Variants in SEPTIN9 observed in about 807,000 individuals in gnomAD.
The protein encoded by SEPTIN9 is septin 9, also known as septin-9.
Under a neutral mutation model 56.6 loss-of-function variants are expected in SEPTIN9, and 13 were observed. The ratio of observed to expected loss-of-function variants is 0.23; its 90% CI spans 0.15 to 0.37. The LOEUF (loss-of-function observed/expected upper bound fraction) is 0.37, where lower values mean the gene tolerates loss of function less well. Among genes scored for constraint, SEPTIN9 ranks in the 10% least tolerant of loss-of-function variants. SEPTIN9 has a pLI of 1.00. For synonymous variants in SEPTIN9, 332 were observed against 334.1 expected (o/e 0.99, Z 0.07); for missense variants, 650 against 823.1 (o/e 0.79, Z 2.57).
intron 10 of SEPTIN9, among the ~76,000 whole-genome samples, chr17:77,493,669 A>C (rs970198049): frequency 6.6e-6 from 1 of 151,350 alleles, no homozygotes; most frequent in Admixed American, 6.6e-5. Context: ...GGCGCCTGGC[A>C]TTCCTAGTTG....
chr17:77,482,728 G>GCA (rs2039510728), intron 4 of SEPTIN9: 1 of 545,336 alleles, frequency 1.8e-6, no homozygotes, highest in Non-Finnish European at 3.1e-6. Flanking sequence ...ACCGCACCCC[G>GCA]GCCAGAGGCT....
chr17:77,312,310 C>A (rs1450170524), intron 2 of SEPTIN9, among the ~76,000 whole-genome samples: 1 of 152,174 alleles, frequency 6.6e-6, no homozygotes, highest in African/African-American at 2.4e-5. Flanking sequence ...ACTCATAGAG[C>A]CCTTAGTTTC....
At chr17:77,289,698 G>C (rs749181665) in intron 1 of SEPTIN9, among the ~76,000 whole-genome samples, 19 of 152,030 alleles carry the variant, frequency 1.2e-4, no homozygotes, top group Admixed American at 2.6e-4. Context: ...GTGAGCCACC[G>C]CACCCGGCCT....
At chr17:77,294,552 C>T (rs769493817) in intron 1 of SEPTIN9, 4 of 169,342 alleles carry the variant, frequency 2.4e-5, no homozygotes, top group Non-Finnish European at 5.1e-5. Flanking sequence ...TTGTTTTGTT[C>T]AAGATACACA....
At position 77,369,053 on chromosome 17, in the gene SEPTIN9, G is replaced by C. The variant is rs541527959; in HGVS notation, c.77-33006G>C. ...GTTCAAAACCAGCCTGGCCAGCAGG[G>C]TGAATCCTCATCTCTAGTAAAAATA... is the stretch of plus-strand genomic sequence containing the variant. On this transcript the variant is annotated intron_variant, in intron 2 of 11. Coordinates refer to ENST00000427177, the MANE Select transcript of SEPTIN9 (RefSeq NM_001113491.2). The surrounding 1 kb of genome is among the most constrained non-coding windows in gnomAD (Gnocchi z 4.9). Among the ~76,000 whole-genome samples the C allele has an allele frequency of 1.3e-5, 2 of 152,264 alleles. No individual in the cohort carries two copies. Among genetic ancestry groups the C allele is most frequent in the African/African-American group, 4.8e-5 (2 of 41,552 alleles).
At chr17:77,288,893 A>G (rs544940013) in intron 1 of SEPTIN9, among the ~76,000 whole-genome samples, 1 of 152,258 alleles carries the variant, frequency 6.6e-6, no homozygotes, top group Admixed American at 6.5e-5. Context: ...AGAGGCCGGC[A>G]CCGAGGGGCG....
At position 77,492,412 on chromosome 17, in the gene SEPTIN9, G is replaced by A. The variant is rs114859512; in HGVS notation, c.1381-209G>A. 5.6e-3 allele frequency among the ~76,000 whole-genome samples: 859 copies of A among 152,226 alleles called. 7 individuals are homozygous for A. Among genetic ancestry groups the A allele is most frequent in the African/African-American group, 0.019 (787 of 41,526 alleles). ...CCTTAAGCCCCTGGGGAGTTGCAGC[G>A]TCGCTCAGGACAGCAGGTGCACCTG... is the stretch of plus-strand genomic sequence containing the variant. On this transcript the variant is annotated intron_variant, in intron 8 of 11. Transcript: ENST00000427177. The surrounding 1 kb of genome is among the most constrained non-coding windows in gnomAD (Gnocchi z 5.4).
intron 3 of SEPTIN9, among the ~76,000 whole-genome samples, chr17:77,479,215 C>A (rs1429616782): frequency 6.6e-6 from 1 of 152,262 alleles, no homozygotes; most frequent in Non-Finnish European, 1.5e-5. Flanking sequence ...CTGAGCAGCG[C>A]AGGCCTCGGA....
intron 3 of SEPTIN9, among the ~76,000 whole-genome samples, chr17:77,416,201 G>T (rs1043690191): frequency 2.0e-5 from 3 of 152,206 alleles, no homozygotes; most frequent in African/African-American, 7.2e-5. Context: ...CCTGGACGAA[G>T]GCCTCACCCT....
intron 3 of SEPTIN9, among the ~76,000 whole-genome samples, chr17:77,407,886 A>G (rs952424856): frequency 1.3e-5 from 2 of 152,028 alleles, no homozygotes; most frequent in Non-Finnish European, 2.9e-5. Flanking sequence ...GCCCCCCAAC[A>G]TGGGTGCCTC....
At chr17:77,283,946 C>T (rs1171547363) in intron 1 of SEPTIN9, among the ~76,000 whole-genome samples, 3 of 152,214 alleles carry the variant, frequency 2.0e-5, no homozygotes, top group Admixed American at 6.5e-5. Flanking sequence ...TAACACCCTT[C>T]CCTCCTGAGC....
chr17:77,416,451 G>T (rs1483713250), intron 3 of SEPTIN9, among the ~76,000 whole-genome samples: 1 of 152,192 alleles, frequency 6.6e-6, no homozygotes, highest in Non-Finnish European at 1.5e-5. Context: ...AACGGGGCCG[G>T]GGAGCTCTTG....
intron 7 of SEPTIN9, 114 bp downstream of exon 7, chr17:77,488,978 A>C (rs2039915806): frequency 8.0e-6 from 11 of 1,376,528 alleles, no homozygotes; most frequent in Non-Finnish European, 1.1e-5. Context: ...GGGCTGAGTC[A>C]GGGGCCATGG....
chr17:77,383,984 T>G (rs528274550), intron 2 of SEPTIN9, among the ~76,000 whole-genome samples: 2 of 152,330 alleles, frequency 1.3e-5, no homozygotes, highest in South Asian at 4.1e-4. Flanking sequence ...TGAGCCCTTC[T>G]TAGGCTTCTA....
intron 1 of SEPTIN9, among the ~76,000 whole-genome samples, chr17:77,283,084 C>T (rs1050017777): frequency 2.6e-5 from 4 of 151,656 alleles, no homozygotes; most frequent in Non-Finnish European, 5.9e-5. Context: ...CTGCGGCTTA[C>T]TGGGAGGTGG....
chr17:77,474,295 CTG>C (rs1400389995), intron 3 of SEPTIN9, among the ~76,000 whole-genome samples: 1 of 152,244 alleles, frequency 6.6e-6, no homozygotes, highest in East Asian at 1.9e-4. Context: ...AAGTAAGCAT[CTG>C]TGTCCTGGGA....
At chr17:77,373,340 C>A (rs888614627) in intron 2 of SEPTIN9, 31 of 1,179,642 alleles carry the variant, frequency 2.6e-5, no homozygotes, top group Non-Finnish European at 2.9e-5. Context: ...CTCCCCCATT[C>A]ATTCAGCTGA....
intron 2 of SEPTIN9, among the ~76,000 whole-genome samples, chr17:77,391,985 C>T (rs904789285): frequency 3.3e-5 from 5 of 152,230 alleles, no homozygotes; most frequent in African/African-American, 7.2e-5. Flanking sequence ...GCCAGTGCTC[C>T]GTTTCTGGAA....
At chr17:77,293,258 A>G (rs1237603358) in intron 1 of SEPTIN9, among the ~76,000 whole-genome samples, 1 of 152,040 alleles carries the variant, frequency 6.6e-6, no homozygotes, top group Non-Finnish European at 1.5e-5. Flanking sequence ...ACCTCAAGCA[A>G]TCCTCCTGCC....
Sources: allele counts gnomAD v4.1 joint callset (sites outside exome capture counted in the v4.1 genomes callset), GRCh38; gene constraint gnomAD v4.1.1; non-coding constraint Gnocchi (gnomAD v3.1); transcripts MANE v1.5; gene names NCBI Gene and HGNC (gene_info 2026-07-23, HGNC 2026-07-21).